The following HRH2 variants were observed in gnomAD, a reference collection of about 807,000 sequenced individuals.
HRH2 encodes the protein histamine receptor H2.
In HRH2, 4 loss-of-function variants were observed where a neutral mutation model predicts 20.1. That is an observed-to-expected ratio of 0.20 (90% CI 0.10 to 0.45). The LOEUF (loss-of-function observed/expected upper bound fraction) is 0.45. HRH2 is among the 20% of genes least tolerant of loss of function. The pLI is 0.99. For missense variants in HRH2, 250 were observed against 461.6 expected (o/e 0.54, Z 4.20); for synonymous variants, 197 against 200.7 (o/e 0.98, Z 0.16).
At chr5:175,684,342 G>C (rs1756093310) in intron 2 of HRH2, 33 bp downstream of exon 2, 1 of 1,599,256 alleles carries the variant, frequency 6.3e-7, no homozygotes, top group Admixed American at 1.7e-5. Context: ...CACAGGATGG[G>C]GGCAATGGGA....
intron 1 of HRH2, among the ~76,000 whole-genome samples, chr5:175,674,189 G>A (rs1449140967): frequency 6.6e-6 from 1 of 152,184 alleles, no homozygotes; most frequent in African/African-American, 2.4e-5. Flanking sequence ...ACACAAATCA[G>A]TGCCGAGGCT....
At chr5:175,678,190 G>A (rs1755824788) in intron 1 of HRH2, among the ~76,000 whole-genome samples, 1 of 152,182 alleles carries the variant, frequency 6.6e-6, no homozygotes, top group Non-Finnish European at 1.5e-5. Context: ...CTGTGATGGG[G>A]GCTCCAGATG....
chr5:175,658,377 T>G (rs1762628953), intron 1 of HRH2, among the ~76,000 whole-genome samples: 2 of 152,074 alleles, frequency 1.3e-5, no homozygotes, highest in African/African-American at 2.4e-5. Flanking sequence ...TCAGTTTCCT[T>G]GTCTGTGACC....
At chr5:175,666,576 CA>C (rs1258995610) in intron 1 of HRH2, among the ~76,000 whole-genome samples, 1 of 152,126 alleles carries the variant, frequency 6.6e-6, no homozygotes, top group Non-Finnish European at 1.5e-5. Flanking sequence ...TACATACATG[CA>C]GCACCACACC....
At chr5:175,673,919 G>A (rs1274412636) in intron 1 of HRH2, among the ~76,000 whole-genome samples, 1 of 152,028 alleles carries the variant, frequency 6.6e-6, no homozygotes, top group Non-Finnish European at 1.5e-5. Context: ...TGGCCAGGCT[G>A]GTCTCGAACT....
intron 1 of HRH2, among the ~76,000 whole-genome samples, chr5:175,672,600 A>G (rs114304618): frequency 1.3e-4 from 20 of 152,322 alleles, no homozygotes; most frequent in African/African-American, 4.6e-4. Flanking sequence ...GGGATATGAT[A>G]TTGTTACGAT....
chr5:175,701,833 C>T lies in HRH2; in HGVS notation c.1077-5946C>T, dbSNP rs1033298454. 9.9e-5 allele frequency among the ~76,000 whole-genome samples: 15 copies of T among 152,186 alleles called. No individual in the cohort carries two copies. The South Asian group carries it at 2.3e-3, about 23-fold the overall frequency. ...ACGAGGTGTTTCTCACAAACACTTA[C>T]TGCTCGGCAGATATCGCGTTATACA... On this transcript the variant is annotated intron_variant, in intron 2 of 2. Coordinates refer to ENST00000636584, the MANE Select transcript of HRH2 (RefSeq NM_001367711.1).
chr5:175,688,172 G>A (rs1408768151), intron 2 of HRH2, among the ~76,000 whole-genome samples: 2 of 152,170 alleles, frequency 1.3e-5, no homozygotes, highest in African/African-American at 2.4e-5. Context: ...ACGGAGGCCC[G>A]CCTGGGTAAC....
intron 2 of HRH2, among the ~76,000 whole-genome samples, chr5:175,694,405 C>G (rs1756495370): frequency 6.6e-6 from 1 of 152,128 alleles, no homozygotes; most frequent in South Asian, 2.1e-4. Context: ...CCAGACCTGT[C>G]TTGTCAGCTT....
intron 1 of HRH2, among the ~76,000 whole-genome samples, chr5:175,671,811 C>T (rs1755552092): frequency 6.6e-6 from 1 of 152,144 alleles, no homozygotes; most frequent in Admixed American, 6.5e-5. Flanking sequence ...ATTTATTATG[C>T]AGTGAGGTAT....
chr5:175,676,082 T>C (rs1755748693), intron 1 of HRH2, among the ~76,000 whole-genome samples: 1 of 152,162 alleles, frequency 6.6e-6, no homozygotes, highest in African/African-American at 2.4e-5. Flanking sequence ...GCCCAGACAA[T>C]CTAAGTCTTT....
At chr5:175,704,241 G>A (rs1756872751) in intron 2 of HRH2, among the ~76,000 whole-genome samples, 1 of 151,896 alleles carries the variant, frequency 6.6e-6, no homozygotes, top group Admixed American at 6.6e-5. Flanking sequence ...CAGAGCATTA[G>A]AAAACATAAT....
chr5:175,694,807 C>A (rs1347914356), intron 2 of HRH2, among the ~76,000 whole-genome samples: 1 of 152,198 alleles, frequency 6.6e-6, no homozygotes, highest in Non-Finnish European at 1.5e-5. Context: ...AGCTCCTCTG[C>A]AATCTGGGTT....
chr5:175,658,987 CTAGATCAGA>C (rs1036037430), intron 1 of HRH2, among the ~76,000 whole-genome samples: 14 of 152,200 alleles, frequency 9.2e-5, no homozygotes, highest in Non-Finnish European at 1.9e-4. Flanking sequence ...CTGTCATGCC[CTAGATCAGA>C]TAGGCCCAGT....
Position 175,685,090 on chromosome 5 carries a change from C to T in HRH2, c.1076+781C>T, listed in dbSNP as rs568289949. Among the ~76,000 whole-genome samples, 7 of 152,256 alleles carry T rather than the reference C, an allele frequency of 4.6e-5. No individual in the cohort carries two copies. The East Asian group carries it at 7.7e-4, about 17-fold the overall frequency. On this transcript the variant is annotated intron_variant, in intron 2 of 2. Transcript: ENST00000636584. ...TCAAGGAGGCCATAGATCTTAAAAG[C>T]TTGCAGACTCTGGGATGTTCAGAGT... is the stretch of plus-strand genomic sequence containing the variant.
intron 2 of HRH2, among the ~76,000 whole-genome samples, chr5:175,685,084 T>C (rs991377158): frequency 7.9e-5 from 12 of 151,996 alleles, no homozygotes; most frequent in Admixed American, 7.9e-4. Context: ...CCATAGATCT[T>C]AAAAGCTTGC....
Position 175,694,946 on chromosome 5 carries a change from T to A in HRH2, c.1076+10637T>A, listed in dbSNP as rs569095367. Among the ~76,000 whole-genome samples the A allele has an allele frequency of 3.9e-5, 6 of 152,218 alleles. No homozygotes were observed. In the South Asian group the frequency reaches 1.2e-3, roughly 32 times the overall value. ...GGTGGGGAACGGCTCACGGGGGCTC[T>A]TGCAAACCTAATGCACATTGACACT... On this transcript the variant is annotated intron_variant, in intron 2 of 2. Transcript: ENST00000636584.
In HRH2 at chr5:175,691,815, G is replaced by A. The variant is rs376963846; in HGVS notation, c.1076+7506G>A. Among the ~76,000 whole-genome samples the A allele has an allele frequency of 4.0e-5, 6 of 151,790 alleles. No individual in the cohort carries two copies. The East Asian group carries it at 5.8e-4, about 15-fold the overall frequency. On this transcript the variant is annotated intron_variant, in intron 2 of 2. Coordinates refer to ENST00000636584, the MANE Select transcript of HRH2 (RefSeq NM_001367711.1). The stretch of plus-strand genomic sequence containing the variant: ...GGAGAATCACTTGAACCTGGGAGGC[G>A]GAGGTTGCAGTGCACTCCAGCCTAG...
intron 1 of HRH2, among the ~76,000 whole-genome samples, chr5:175,682,485 C>T (rs1384619842): frequency 2.0e-5 from 3 of 152,170 alleles, no homozygotes; most frequent in African/African-American, 7.2e-5. Context: ...CCAACTCTTT[C>T]TCACGAGTCT....
Sources: gnomAD v4.1 joint callset for allele counts (sites outside exome capture counted in the v4.1 genomes callset) on GRCh38, gnomAD v4.1.1 for gene constraint, MANE v1.5 for transcripts, NCBI Gene and HGNC (gene_info 2026-07-23, HGNC 2026-07-21) for gene names.